NELL1: variants seen among roughly 807,000 people sequenced by gnomAD.
The protein encoded by NELL1 is protein kinase C-binding protein NELL1.
NELL1 carries 76 observed loss-of-function variants against 107.4 expected under a neutral mutation model. That is an observed-to-expected ratio of 0.71 (90% CI 0.59 to 0.86). The LOEUF is 0.86. Ranked by LOEUF, NELL1 falls within the 40% of genes least tolerant of loss-of-function variation. NELL1 has a pLI of 0.00. For missense variants in NELL1, 1,024 were observed against 1,005.5 expected, an observed-to-expected ratio of 1.02 and a Z score of -0.25; for synonymous variants, 353 against 341.2, an observed-to-expected ratio of 1.03 and a Z score of -0.38.
At chr11:21,127,570 C>T (rs556747208) in intron 13 of NELL1, among the ~76,000 whole-genome samples, 9 of 149,198 alleles carry the variant, frequency 6.0e-5, no homozygotes, top group African/African-American at 1.2e-4. Context: ...AGCTATGATC[C>T]GAGAAGAAGA....
At chr11:21,486,631 A>G (rs897114110) in intron 15 of NELL1, among the ~76,000 whole-genome samples, 4 of 152,172 alleles carry the variant, frequency 2.6e-5, no homozygotes, top group Non-Finnish European at 4.4e-5. Flanking sequence ...TCCCAATCAG[A>G]AATTCATAAA....
intron 15 of NELL1, among the ~76,000 whole-genome samples, chr11:21,393,989 A>G (rs1851932101): frequency 6.6e-6 from 1 of 151,654 alleles, no homozygotes; most frequent in Non-Finnish European, 1.5e-5. Context: ...GCCTGGGGGC[A>G]GTAGAGCAGA....
chr11:20,980,897 G>A (rs1408476083), intron 12 of NELL1, among the ~76,000 whole-genome samples: 1 of 152,192 alleles, frequency 6.6e-6, no homozygotes, highest in Non-Finnish European at 1.5e-5. Flanking sequence ...CAGAAGCAAT[G>A]TGTGTTGCTT....
intron 2 of NELL1, among the ~76,000 whole-genome samples, chr11:20,711,072 G>C (rs1047783431): frequency 1.3e-5 from 2 of 151,828 alleles, no homozygotes; most frequent in South Asian, 4.2e-4. Context: ...CTGAGTTTAG[G>C]TTTGGTTTGT....
chr11:20,963,666 CA>C (rs1393436402), intron 12 of NELL1, among the ~76,000 whole-genome samples: 1 of 152,102 alleles, frequency 6.6e-6, no homozygotes, highest in Non-Finnish European at 1.5e-5. Context: ...CTCCTAGGAA[CA>C]GAGACTCTCT....
At chr11:20,939,892 A>ACAAACTCTC (rs1207080399) in intron 10 of NELL1, among the ~76,000 whole-genome samples, 3 of 152,200 alleles carry the variant, frequency 2.0e-5, no homozygotes, top group Non-Finnish European at 4.4e-5. Context: ...GGCTATCTAC[A>ACAAACTCTC]CAAACTCTCT....
intron 14 of NELL1, among the ~76,000 whole-genome samples, chr11:21,239,041 T>C (rs989700976): frequency 1.3e-5 from 2 of 152,100 alleles, no homozygotes; most frequent in African/African-American, 2.4e-5. Context: ...AATACACTTA[T>C]GATACTTAGG....
intron 15 of NELL1, among the ~76,000 whole-genome samples, chr11:21,486,453 A>G (rs1163367332): frequency 3.9e-5 from 6 of 152,294 alleles, no homozygotes; most frequent in Admixed American, 3.9e-4. Flanking sequence ...CCCACCAACA[A>G]CATATCTACA....
chr11:21,505,732 G>C (rs1402848534), intron 15 of NELL1, among the ~76,000 whole-genome samples: 1 of 152,106 alleles, frequency 6.6e-6, no homozygotes, highest in Non-Finnish European at 1.5e-5. Flanking sequence ...TCTAATAGTA[G>C]CTCCCTGCTC....
chr11:21,166,989 A>G (rs931895434), intron 13 of NELL1, among the ~76,000 whole-genome samples: 5 of 151,938 alleles, frequency 3.3e-5, no homozygotes, highest in African/African-American at 1.2e-4. Flanking sequence ...CTGTATATTT[A>G]TTAGGGTTCT....
intron 2 of NELL1, among the ~76,000 whole-genome samples, chr11:20,720,263 A>G (rs543398013): frequency 1.3e-3 from 193 of 146,152 alleles, no homozygotes; most frequent in African/African-American, 4.4e-3. Flanking sequence ...GAGTGAGTGC[A>G]GTGGTGCGAT....
At chr11:20,856,627 T>C (rs80177540) in intron 4 of NELL1, among the ~76,000 whole-genome samples, 2,201 of 152,348 alleles carry the variant, frequency 0.014, 39 homozygotes, top group African/African-American at 0.05. Flanking sequence ...TGACTAATCC[T>C]TCCATGTACT....
intron 16 of NELL1, among the ~76,000 whole-genome samples, chr11:21,544,436 A>G (rs1856378986): frequency 6.6e-6 from 1 of 151,988 alleles, no homozygotes; most frequent in East Asian, 1.9e-4. Flanking sequence ...ATAGGTAATT[A>G]GGGAAGAAAG....
chr11:20,944,723 T>C (rs913083329), intron 10 of NELL1, among the ~76,000 whole-genome samples: 1 of 152,218 alleles, frequency 6.6e-6, no homozygotes, highest in East Asian at 1.9e-4. Context: ...CTGGATTAAA[T>C]GGATTTGGTG....
chr11:20,992,771 A>G (rs182364946), intron 12 of NELL1, among the ~76,000 whole-genome samples: 46 of 140,976 alleles, frequency 3.3e-4, no homozygotes, highest in Admixed American at 2.5e-3. Context: ...CTGGAGTGCA[A>G]TGGTGCGATC....
chr11:21,166,499 A>G (rs1856486865), intron 13 of NELL1, among the ~76,000 whole-genome samples: 1 of 151,870 alleles, frequency 6.6e-6, no homozygotes, highest in African/African-American at 2.4e-5. Flanking sequence ...GCTTGTCATG[A>G]TGGATACCCT....
intron 1 of NELL1, among the ~76,000 whole-genome samples, chr11:20,676,415 A>G (rs1179182846): frequency 6.6e-6 from 1 of 152,066 alleles, no homozygotes; most frequent in African/African-American, 2.4e-5. Flanking sequence ...ACTCAGTAAT[A>G]CCTGTTGAAA....
intron 5 of NELL1, among the ~76,000 whole-genome samples, chr11:20,908,405 G>A (rs1850052096): frequency 6.6e-6 from 1 of 152,174 alleles, no homozygotes; most frequent in African/African-American, 2.4e-5. Flanking sequence ...GTTCTTTGCA[G>A]GGACATGGAT....
intron 14 of NELL1, chr11:21,284,015 CAT>C (rs767238266): frequency 2.2e-5 from 8 of 357,898 alleles, no homozygotes; most frequent in South Asian, 4.2e-5. Context: ...TATGTTCAGA[CAT>C]GTGTGTGTGC....
Sources: gnomAD v4.1 joint callset for allele counts (sites outside exome capture counted in the v4.1 genomes callset) on GRCh38, gnomAD v4.1.1 for gene constraint, MANE v1.5 for transcripts, NCBI Gene and HGNC (gene_info 2026-07-23, HGNC 2026-07-21) for gene names.